Variants in PPP2R5E observed in about 807,000 individuals in gnomAD.
PPP2R5E encodes protein phosphatase 2 regulatory subunit B'epsilon, also known as serine/threonine-protein phosphatase 2A 56 kDa regulatory subunit epsilon isoform.
A neutral mutation model predicts 65.3 loss-of-function variants in PPP2R5E; 4 were observed. That is an observed-to-expected ratio of 0.06 (90% CI 0.03 to 0.14). PPP2R5E has a LOEUF of 0.14. Among genes scored for constraint, PPP2R5E ranks in the 10% least tolerant of loss-of-function variants. The pLI is 1.00. For synonymous variants in PPP2R5E, 183 were observed against 187.4 expected, an observed-to-expected ratio of 0.98 and a Z score of 0.19; for missense variants, 274 against 556.1, an observed-to-expected ratio of 0.49 and a Z score of 5.10.
chr14:63,501,125 C>T (rs1891855653), intron 2 of PPP2R5E, among the ~76,000 whole-genome samples: 1 of 152,012 alleles, frequency 6.6e-6, no homozygotes, highest in African/African-American at 2.4e-5. Context: ...AAGGGCCGGG[C>T]GCAGTGGCTC....
intron 2 of PPP2R5E, among the ~76,000 whole-genome samples, chr14:63,513,002 C>T (rs978124071): frequency 2.6e-5 from 4 of 151,980 alleles, no homozygotes; most frequent in African/African-American, 7.3e-5. Context: ...CCCCTACCCC[C>T]CACCAAGAAA....
In PPP2R5E at chr14:63,375,072, CTT is replaced by C. The variant is rs1883912831; in HGVS notation, c.*935_*936del. 6.6e-6 allele frequency: 1 copy of C among 152,560 alleles called. No individual in the cohort carries two copies. 9.5% of individuals were successfully genotyped at this position (152,560 alleles called of 1,614,324 possible). ...AACAGTCCAAGCTGTTTGCTCAACT[CTT>C]TTCCCAATTAGATTTGCAATCCCGG... On this transcript the variant is annotated 3_prime_UTR_variant, in exon 14 of 14. Coordinates refer to ENST00000337537, the MANE Select transcript of PPP2R5E (RefSeq NM_006246.5).
intron 2 of PPP2R5E, among the ~76,000 whole-genome samples, chr14:63,488,686 T>C (rs1459830220): frequency 6.6e-6 from 1 of 150,910 alleles, no homozygotes; most frequent in Non-Finnish European, 1.5e-5. Context: ...CCATCTCTAC[T>C]AAAAATACAA....
chr14:63,527,924 GA>G (rs397806689), intron 2 of PPP2R5E, among the ~76,000 whole-genome samples: 5,313 of 123,148 alleles, frequency 0.043, 106 homozygotes, highest in Middle Eastern at 0.068. Context: ...GACAATGTAA[GA>G]AAAAAAAAAA....
intron 2 of PPP2R5E, among the ~76,000 whole-genome samples, chr14:63,523,088 G>A (rs556286616): frequency 0.011 from 1,625 of 149,084 alleles, 40 homozygotes; most frequent in African/African-American, 0.039. Flanking sequence ...GGGAGGTGGG[G>A]GGGTCAGCCC....
At chr14:63,439,241 T>C (rs900127790) in intron 3 of PPP2R5E, among the ~76,000 whole-genome samples, 1 of 152,168 alleles carries the variant, frequency 6.6e-6, no homozygotes, top group Non-Finnish European at 1.5e-5. Flanking sequence ...GCACTGTTCA[T>C]AAATTAATTT....
intron 13 of PPP2R5E, among the ~76,000 whole-genome samples, chr14:63,376,620 A>T (rs1029401130): frequency 2.0e-5 from 3 of 152,204 alleles, no homozygotes; most frequent in Non-Finnish European, 4.4e-5. Context: ...TGATTTTCAG[A>T]CTTTGAGATT....
At chr14:63,460,025 T>G (rs377528445) in intron 2 of PPP2R5E, among the ~76,000 whole-genome samples, 12 of 152,274 alleles carry the variant, frequency 7.9e-5, no homozygotes, top group African/African-American at 2.9e-4. Flanking sequence ...AGCATACACG[T>G]TTTTTAAAGG....
intron 2 of PPP2R5E, among the ~76,000 whole-genome samples, chr14:63,463,509 A>G (rs1427824052): frequency 6.6e-6 from 1 of 152,132 alleles, no homozygotes; most frequent in Non-Finnish European, 1.5e-5. Context: ...AAAAAAATGC[A>G]TTAGTTCCTC....
intron 5 of PPP2R5E, among the ~76,000 whole-genome samples, chr14:63,402,201 C>G (rs1379847248): frequency 6.6e-6 from 1 of 152,192 alleles, no homozygotes; most frequent in African/African-American, 2.4e-5. Context: ...CAGAAAGTCC[C>G]TTTTGGAAGA....
chr14:63,453,083 G>A (rs1017414331), intron 3 of PPP2R5E: 2 of 152,086 alleles, frequency 1.3e-5, no homozygotes, highest in Non-Finnish European at 2.9e-5. Flanking sequence ...TAAAATAATT[G>A]TTCACACAGT....
chr14:63,385,144 T>C (rs535357956), intron 11 of PPP2R5E, among the ~76,000 whole-genome samples: 131 of 152,050 alleles, frequency 8.6e-4, no homozygotes, highest in Non-Finnish European at 1.5e-3. Context: ...CTGGGCAACA[T>C]GGGGAGACCT....
In PPP2R5E at chr14:63,539,649, T is replaced by G; in HGVS notation, c.37A>C (p.Lys13Gln). ...SAPTTPPSVDKVDGFSRKSVR... is the reference protein window; with the variant it reads ...SAPTTPPSVDQVDGFSRKSVR... The stretch of plus-strand genomic sequence containing the variant: ...GACTTCCGAGAAAATCCGTCTACTT[T>G]ATCCACTGATGGAGGAGTAGTTGGT... Residue 13 changes from lysine to glutamine, a missense_variant, in exon 2 of 14, where the codon AAA becomes CAA. Around this residue, in one of 6 missense-constraint regions of PPP2R5E, gnomAD observed 58 missense variants for 64.8 expected, o/e 0.90. Transcript: ENST00000337537. The G allele has an allele frequency of 6.2e-7, 1 of 1,614,034 alleles. No individual in the cohort carries two copies. The highest frequency in any genetic ancestry group is 8.5e-7 in the Non-Finnish European group (1 of 1,179,916).
intron 3 of PPP2R5E, among the ~76,000 whole-genome samples, chr14:63,430,389 A>ACATACATGCATACATACATACATG (rs1555359673): frequency 5.9e-4 from 84 of 142,580 alleles, no homozygotes; most frequent in African/African-American, 1.6e-3. Context: ...ATACATACAT[A>ACATACATGCATACATACATACATG]CATACATACA....
intron 3 of PPP2R5E, among the ~76,000 whole-genome samples, chr14:63,430,284 C>T (rs533435991): frequency 4.6e-5 from 7 of 152,026 alleles, no homozygotes; most frequent in South Asian, 2.1e-4. Flanking sequence ...GAGGCCGAGG[C>T]GGGAGGATCA....
chr14:63,508,126 C>A, intron 2 of PPP2R5E: 1 of 984,502 alleles, frequency 1.0e-6, no homozygotes, highest in East Asian at 1.1e-4. Flanking sequence ...TCTACACACA[C>A]GAGTGTTCTC....
chr14:63,415,323 A>G, intron 4 of PPP2R5E, 91 bp from the exon 5 acceptor site: 2 of 813,100 alleles, frequency 2.5e-6, no homozygotes, highest in Non-Finnish European at 3.7e-6. Flanking sequence ...TAAAAGTGAC[A>G]GGGCTTAGAA....
At chr14:63,463,343 T>C (rs1454666225) in intron 2 of PPP2R5E, among the ~76,000 whole-genome samples, 3 of 151,264 alleles carry the variant, frequency 2.0e-5, no homozygotes, top group African/African-American at 7.3e-5. Flanking sequence ...GGTTTCACCA[T>C]GTTGGCCAGG....
chr14:63,380,232 C>T (rs1378179283), intron 13 of PPP2R5E, among the ~76,000 whole-genome samples: 3 of 151,994 alleles, frequency 2.0e-5, no homozygotes, highest in African/African-American at 4.8e-5. Flanking sequence ...GCACAAAGCA[C>T]CTTTAACGAT....
Sources: gnomAD v4.1 joint callset for allele counts (sites outside exome capture counted in the v4.1 genomes callset) on GRCh38, gnomAD v4.1.1 for gene constraint, gnomAD v4.1.1 regional missense constraint, MANE v1.5 for transcripts, NCBI Gene and HGNC (gene_info 2026-07-23, HGNC 2026-07-21) for gene names.